The following FRYL variants were observed in gnomAD, a reference collection of about 807,000 sequenced individuals.
FRYL encodes protein furry homolog-like.
Under a neutral mutation model 351.2 loss-of-function variants are expected in FRYL, and 150 were observed. The ratio of observed to expected loss-of-function variants is 0.43; its 90% CI spans 0.37 to 0.49. The LOEUF (loss-of-function observed/expected upper bound fraction) is 0.49. Among genes scored for constraint, FRYL ranks in the 20% least tolerant of loss-of-function variants. The pLI is 0.00. For missense variants in FRYL, 3,036 were observed against 3,619.3 expected, an observed-to-expected ratio of 0.84 and a Z score of 4.13; for synonymous variants, 1,153 against 1,257.1, an observed-to-expected ratio of 0.92 and a Z score of 1.75.
chr4:48,674,196 T>C (rs140018657), intron 3 of FRYL, among the ~76,000 whole-genome samples: 1 of 152,346 alleles, frequency 6.6e-6, no homozygotes, highest in East Asian at 1.9e-4. Flanking sequence ...AGGACTTCTC[T>C]GTTCAACAGT....
chr4:48,574,098 T>A (rs1197666163), intron 25 of FRYL, among the ~76,000 whole-genome samples: 2 of 152,150 alleles, frequency 1.3e-5, no homozygotes, highest in Non-Finnish European at 2.9e-5. Context: ...TCAAAGGGTA[T>A]GAACTTTGTA....
Position 48,549,769 on chromosome 4 carries a change from T to C in FRYL, c.4634-146A>G. Reference sequence around the variant, plus strand: ...TTTCAACATGTTTGCTAGGAAAATCTAGGCACAAATATTATCAAATTAAGC... The same window carrying C: ...TTTCAACATGTTTGCTAGGAAAATCCAGGCACAAATATTATCAAATTAAGC... On this transcript the variant is annotated intron_variant, in intron 38 of 63. Transcript: ENST00000358350. The surrounding 1 kb of genome is among the most constrained non-coding windows in gnomAD (Gnocchi z 4.2). The C allele has an allele frequency of 1.6e-6, 1 of 606,212 alleles. No homozygotes were observed. The highest frequency in any genetic ancestry group is 2.8e-6 in the Non-Finnish European group (1 of 361,102). 37.6% of individuals were successfully genotyped at this position (606,212 alleles called of 1,614,324 possible). A position where few individuals can be genotyped will look rare whatever the true frequency, so the allele number is the denominator to read the frequency against.
chr4:48,619,181 A>C, intron 7 of FRYL, 93 bp downstream of exon 7: 1 of 827,424 alleles, frequency 1.2e-6, no homozygotes, highest in South Asian at 1.5e-5. Flanking sequence ...GTGGGCTAAA[A>C]TTCTAGACAC....
intron 3 of FRYL, among the ~76,000 whole-genome samples, chr4:48,658,681 G>C (rs1759775655): frequency 6.6e-6 from 1 of 151,768 alleles, no homozygotes. Flanking sequence ...CGGGGCCCAG[G>C]AAGTCGAGGC....
At chr4:48,737,257 C>T in intron 1 of FRYL, among the ~76,000 whole-genome samples, 1 of 63,000 alleles carries the variant, frequency 1.6e-5, no homozygotes, top group South Asian at 4.4e-4. Context: ...GACTCCATCA[C>T]AGAAAAAAAA....
At chr4:48,713,267 A>C (rs1037471148) in intron 1 of FRYL, among the ~76,000 whole-genome samples, 19 of 152,324 alleles carry the variant, frequency 1.2e-4, no homozygotes, top group Admixed American at 2.6e-4. Flanking sequence ...ATTTAAATGT[A>C]ATAAAGTCCA....
Position 48,567,296 on chromosome 4 carries a change from G to C in FRYL, c.3121C>G (p.Arg1041Gly). 1 of 1,612,298 alleles carries C rather than the reference G, an allele frequency of 6.2e-7. No individual in the cohort carries two copies. Among genetic ancestry groups the C allele is most frequent in the Non-Finnish European group, 8.5e-7 (1 of 1,179,318 alleles). ...EKDSDTLKDI[R>G]CHFSALVANI... Reference sequence around the variant, plus strand: ...GCCACTAAGGCACTAAAATGGCATCGTATATCCTTCAGTGTGTCAGAGTCT... The same window carrying C: ...GCCACTAAGGCACTAAAATGGCATCCTATATCCTTCAGTGTGTCAGAGTCT... The change falls in exon 28 of 64, where the codon CGA (arginine) becomes GGA (glycine). Residue 1041 changes from arginine (R) to glycine (G), a missense_variant. Coordinates refer to ENST00000358350, the MANE Select transcript of FRYL (RefSeq NM_015030.2). This position sits in a 1 kb window ranked among gnomAD's most constrained non-coding sequence, Gnocchi z 4.2.
chr4:48,722,471 T>C (rs1245889326), intron 1 of FRYL, among the ~76,000 whole-genome samples: 8 of 152,236 alleles, frequency 5.3e-5, no homozygotes, highest in Non-Finnish European at 1.2e-4. Flanking sequence ...TTTATATTAA[T>C]AGCAACTACC....
Position 48,780,221 on chromosome 4 carries a change from C to T in FRYL, c.-527G>A, listed in dbSNP as rs2109462684. On this transcript the variant is annotated 5_prime_UTR_variant, in exon 1 of 64. Coordinates refer to ENST00000358350, the MANE Select transcript of FRYL (RefSeq NM_015030.2). Reference sequence around the variant, plus strand: ...AACCGATCTGTGGTTAAACCTCCCTCCGACTCTGATTTTAACCGGATTTCT... The same window carrying T: ...AACCGATCTGTGGTTAAACCTCCCTTCGACTCTGATTTTAACCGGATTTCT... 6.5e-6 allele frequency: 1 copy of T among 152,866 alleles called. No individual in the cohort carries two copies. Among genetic ancestry groups the T allele is most frequent in the Non-Finnish European group, 1.5e-5 (1 of 68,214 alleles). The allele number at this position is 152,866 out of a possible 1,614,324, so 9.5% of individuals were successfully genotyped here. A position where few individuals can be genotyped will look rare whatever the true frequency, so the allele number is the denominator to read the frequency against.
intron 10 of FRYL, among the ~76,000 whole-genome samples, chr4:48,606,129 C>T (rs537786575): frequency 1.4e-5 from 2 of 144,894 alleles, no homozygotes; most frequent in South Asian, 2.2e-4. Context: ...AAAAATTAGC[C>T]GGGCCTGGTG....
intron 3 of FRYL, among the ~76,000 whole-genome samples, chr4:48,644,845 C>A (rs1756071575): frequency 1.3e-5 from 2 of 151,616 alleles, no homozygotes; most frequent in African/African-American, 4.8e-5. Flanking sequence ...AAGATAAATG[C>A]ATTTAACCAA....
At chr4:48,698,282 C>T (rs1189083291) in intron 2 of FRYL, among the ~76,000 whole-genome samples, 23 of 152,326 alleles carry the variant, frequency 1.5e-4, no homozygotes, top group Admixed American at 1.2e-3. Context: ...TCTGTAACTA[C>T]GCGAATGGGT....
intron 25 of FRYL, 94 bp downstream of exon 25, chr4:48,575,023 T>C (rs1185319547): frequency 8.1e-7 from 1 of 1,232,692 alleles, no homozygotes; most frequent in Non-Finnish European, 1.1e-6. Context: ...AGCACTCTGC[T>C]TGACCCTACC....
At chr4:48,675,004 G>A (rs1481765734) in intron 3 of FRYL, among the ~76,000 whole-genome samples, 1 of 152,124 alleles carries the variant, frequency 6.6e-6, no homozygotes, top group Non-Finnish European at 1.5e-5. Context: ...TGCCTAAAAC[G>A]AAACCCATGT....
intron 1 of FRYL, among the ~76,000 whole-genome samples, chr4:48,745,951 T>C (rs1443503042): frequency 6.6e-6 from 1 of 152,162 alleles, no homozygotes; most frequent in Non-Finnish European, 1.5e-5. Flanking sequence ...GTACTCAGTA[T>C]CTTAGAGTAA....
At chr4:48,746,994 C>T (rs1018916036) in intron 1 of FRYL, among the ~76,000 whole-genome samples, 4 of 152,144 alleles carry the variant, frequency 2.6e-5, no homozygotes, top group African/African-American at 7.2e-5. Flanking sequence ...CTTTTAAAAA[C>T]GACTGTTTTA....
chr4:48,573,121 T>C (rs561283702), intron 26 of FRYL, 65 bp downstream of exon 26: 2 of 1,211,084 alleles, frequency 1.7e-6, no homozygotes, highest in South Asian at 2.5e-5. Flanking sequence ...TAACTTTTGA[T>C]ATAACATGTA....
chr4:48,650,736 GA>G (rs757762242), intron 3 of FRYL, among the ~76,000 whole-genome samples: 1 of 152,184 alleles, frequency 6.6e-6, no homozygotes, highest in Non-Finnish European at 1.5e-5. Flanking sequence ...GGAGGGACAT[GA>G]AGAGCCAGCT....
intron 55 of FRYL, among the ~76,000 whole-genome samples, chr4:48,516,109 T>C (rs548567208): frequency 2.6e-5 from 4 of 152,198 alleles, no homozygotes; most frequent in Non-Finnish European, 2.9e-5. Flanking sequence ...TGAGTATTGA[T>C]AAAGCTTCAT....
Sources: allele counts gnomAD v4.1 joint callset (sites outside exome capture counted in the v4.1 genomes callset), GRCh38; gene constraint gnomAD v4.1.1; non-coding constraint Gnocchi (gnomAD v3.1); transcripts MANE v1.5; gene names NCBI Gene and HGNC (gene_info 2026-07-23, HGNC 2026-07-21).